Variants in MON2 observed in about 807,000 individuals in gnomAD.
MON2 encodes the protein MON2 regulator of endosome-to-Golgi trafficking.
MON2 carries 84 observed loss-of-function variants against 208.6 expected under a neutral mutation model. The observed-to-expected ratio is 0.40, with a 90% confidence interval of 0.34 to 0.48. The LOEUF (loss-of-function observed/expected upper bound fraction) is 0.48. Among genes scored for constraint, MON2 ranks in the 20% least tolerant of loss-of-function variants. The pLI, the probability that MON2 is intolerant of heterozygous loss-of-function variation, is 0.59. For synonymous variants in MON2, 660 were observed against 694.0 expected (o/e 0.95, Z 0.77); for missense variants, 1,611 against 2,015.4 (o/e 0.80, Z 3.84).
At chr12:62,543,066 A>G (rs993498557) in intron 19 of MON2, 31 bp from the exon 20 acceptor site, 1 of 1,191,332 alleles carries the variant, frequency 8.4e-7, no homozygotes, top group South Asian at 1.4e-5. Context: ...TTCTCCTTAT[A>G]CTATCAAAAT....
chr12:62,498,329 C>T (rs1046534361), intron 4 of MON2, among the ~76,000 whole-genome samples: 3 of 151,908 alleles, frequency 2.0e-5, no homozygotes, highest in Admixed American at 1.3e-4. Context: ...CCTGGGGCCA[C>T]GGGTAGAGGA....
intron 29 of MON2, among the ~76,000 whole-genome samples, chr12:62,570,242 A>C (rs1368219057): frequency 6.6e-6 from 1 of 152,206 alleles, no homozygotes; most frequent in African/African-American, 2.4e-5. Flanking sequence ...GTCACTGTAC[A>C]TGACTCAAAC....
At position 62,571,505 on chromosome 12, in the gene MON2, G is replaced by A; in HGVS notation, c.4437G>A (p.Gln1479=). 1.9e-6 allele frequency: 3 copies of A among 1,613,992 alleles called. No individual in the cohort carries two copies. The highest frequency in any genetic ancestry group is 2.5e-6 in the Non-Finnish European group (3 of 1,179,930). Residue 1479 remains glutamine (Q), a synonymous_variant, in exon 30 of 35, where the codon CAG becomes CAA. Coordinates refer to ENST00000393630, the MANE Select transcript of MON2 (RefSeq NM_015026.3). ...CTATTGGGCTACCTGTTGCCCGGCA[G>A]CATGCTTCTTCTGGAAAATTTGACA... ...VLSIGLPVAR[Q]HASSGKFDSM...
intron 2 of MON2, among the ~76,000 whole-genome samples, chr12:62,486,162 T>C (rs887542217): frequency 6.6e-6 from 1 of 152,110 alleles, no homozygotes; most frequent in African/African-American, 2.4e-5. Flanking sequence ...TATTTACTGT[T>C]GCTAATATCA....
intron 23 of MON2, among the ~76,000 whole-genome samples, chr12:62,552,517 G>A (rs1373831031): frequency 6.6e-6 from 1 of 151,870 alleles, no homozygotes; most frequent in Admixed American, 6.6e-5. Flanking sequence ...CATTGTTAGG[G>A]TGATAATGAT....
rs1592864506 is a variant in MON2, at chr12:62,495,116, A to G, written c.404A>G (p.Asn135Ser). Reference sequence around the variant, plus strand: ...ACAGTTCTTGTTCTTTTAACAACCAATACAGTAGTTCATGATGAGGCACTT... The same window carrying G: ...ACAGTTCTTGTTCTTTTAACAACCAGTACAGTAGTTCATGATGAGGCACTT... The part of the protein sequence containing the change: ...LQTVLVLLTT[N>S]TVVHDEALSK... The change falls in exon 4 of 35, where the codon AAT becomes AGT. Residue 135 changes from asparagine to serine, a missense_variant. Asn to Ser is a conservative substitution (Grantham distance 46). Transcript: ENST00000393630. The G allele has an allele frequency of 2.5e-6, 4 of 1,610,982 alleles. No individual in the cohort carries two copies. The highest frequency in any genetic ancestry group is 3.4e-6 in the Non-Finnish European group (4 of 1,178,158).
At chr12:62,543,044 A>G in intron 19 of MON2, 53 bp from the exon 20 acceptor site, 3 of 939,650 alleles carry the variant, frequency 3.2e-6, no homozygotes, top group Non-Finnish European at 4.8e-6. Context: ...TTCATAGTCT[A>G]ATTACTCAGA....
intron 1 of MON2, among the ~76,000 whole-genome samples, chr12:62,469,603 T>A (rs1332074043): frequency 6.6e-6 from 1 of 152,100 alleles, no homozygotes; most frequent in Non-Finnish European, 1.5e-5. Flanking sequence ...ACAAAGAGAG[T>A]CATTAGCCTA....
chr12:62,493,181 G>T (rs971700110), intron 2 of MON2, among the ~76,000 whole-genome samples: 5 of 152,128 alleles, frequency 3.3e-5, no homozygotes, highest in African/African-American at 1.2e-4. Flanking sequence ...GTAAATGTGT[G>T]TAGATTTAAT....
intron 1 of MON2, chr12:62,470,680 CTTA>C (rs2068751490): frequency 1.8e-6 from 2 of 1,085,898 alleles, no homozygotes; most frequent in Admixed American, 9.5e-5. Context: ...TAAAAACTTT[CTTA>C]TTATTTCCTA....
In MON2 at chr12:62,552,947, G is replaced by A. The variant is rs1223435348; in HGVS notation, c.2983G>A (p.Ala995Thr). The A allele has an allele frequency of 6.2e-7, 1 of 1,614,092 alleles. No individual in the cohort carries two copies. Among genetic ancestry groups the A allele is most frequent in the Admixed American group, 1.7e-5 (1 of 60,010 alleles). ...TGAAAAAGAACTAAATAAGGAAGAG[G>A]CAGCACAGCAAAAGCAGGCAGAAGA... Reference protein sequence around the residue: ...TIEKELNKEEAAQQKQAEEKG... With the variant: ...TIEKELNKEETAQQKQAEEKG... The change falls in exon 24 of 35, where the codon GCA (alanine) becomes ACA (threonine). Residue 995 changes from alanine to threonine, a missense_variant. By Grantham distance (58) the Ala-to-Thr change is moderately conservative. Transcript: ENST00000393630.
At chr12:62,489,188 A>G (rs1458933180) in intron 2 of MON2, among the ~76,000 whole-genome samples, 1 of 152,092 alleles carries the variant, frequency 6.6e-6, no homozygotes, top group Admixed American at 6.6e-5. Flanking sequence ...ATATGTTACC[A>G]TACTGCTTTC....
intron 1 of MON2, among the ~76,000 whole-genome samples, chr12:62,483,433 G>A (rs2069565355): frequency 1.3e-5 from 2 of 152,198 alleles, no homozygotes; most frequent in Non-Finnish European, 2.9e-5. Flanking sequence ...GGGCACGGTG[G>A]CCCATGCCTG....
chr12:62,531,900 GC>G (rs1403493371), intron 11 of MON2, among the ~76,000 whole-genome samples: 1 of 152,034 alleles, frequency 6.6e-6, no homozygotes, highest in Non-Finnish European at 1.5e-5. Context: ...CTCCCGAGTA[GC>G]TGAGACTACA....
In MON2 at chr12:62,491,863, C is replaced by A. The variant is rs139983462; in HGVS notation, c.176-2052C>A. Among the ~76,000 whole-genome samples, 707 of 152,314 alleles carry A rather than the reference C, an allele frequency of 4.6e-3. 6 individuals are homozygous for A. The highest frequency in any genetic ancestry group is 0.016 in the African/African-American group (656 of 41,570). On this transcript the variant is annotated intron_variant, in intron 2 of 34. Coordinates refer to ENST00000393630, the MANE Select transcript of MON2 (RefSeq NM_015026.3). ...TGTTCAGCAGAGATAGGGGTTGCCT[C>A]ACACTTCAGTGGTTCTGGCAGGTTT...
intron 8 of MON2, among the ~76,000 whole-genome samples, chr12:62,521,298 C>T (rs891514169): frequency 1.3e-5 from 2 of 152,142 alleles, no homozygotes; most frequent in African/African-American, 4.8e-5. Flanking sequence ...CATAAGCCAC[C>T]TTGCCCGGCC....
intron 1 of MON2, among the ~76,000 whole-genome samples, chr12:62,469,548 A>G (rs1485527140): frequency 6.6e-6 from 1 of 152,212 alleles, no homozygotes; most frequent in East Asian, 1.9e-4. Context: ...ACTGGGCACT[A>G]CTTTAGGAAT....
chr12:62,501,014 C>A, intron 6 of MON2, 134 bp downstream of exon 6: 1 of 482,134 alleles, frequency 2.1e-6, no homozygotes, highest in Non-Finnish European at 3.6e-6. Flanking sequence ...TAAGATAGTT[C>A]TAAAGAACAA....
chr12:62,592,693 C>T lies in MON2; in HGVS notation c.5098C>T (p.Pro1700Ser). Residue 1700 changes from proline (P) to serine (S), a missense_variant, in exon 35 of 35, where the codon CCT becomes TCT. Pro to Ser is a moderately conservative substitution (Grantham distance 74, BLOSUM62 -1). Coordinates refer to ENST00000393630, the MANE Select transcript of MON2 (RefSeq NM_015026.3). Reference protein sequence around the residue: ...VCSALKEALVPFKDFMQPPAS... With the variant: ...VCSALKEALVSFKDFMQPPAS... The stretch of plus-strand genomic sequence containing the variant: ...TTCTGCACTTAAAGAGGCACTAGTT[C>T]CTTTTAAGGATTTCATGCAGCCACC... 2 of 1,608,280 alleles carry T rather than the reference C, an allele frequency of 1.2e-6. No individual in the cohort carries two copies. Among genetic ancestry groups the T allele is most frequent in the South Asian group, 1.1e-5 (1 of 90,434 alleles).
Sources: allele counts gnomAD v4.1 joint callset (sites outside exome capture counted in the v4.1 genomes callset), GRCh38; gene constraint gnomAD v4.1.1; transcripts MANE v1.5; gene names NCBI Gene and HGNC (gene_info 2026-07-23, HGNC 2026-07-21).